Variants in SLIT1 observed in about 807,000 individuals in gnomAD.
SLIT1 encodes slit guidance ligand 1.
Under a neutral mutation model 186.1 loss-of-function variants are expected in SLIT1, and 66 were observed. The ratio of observed to expected loss-of-function variants is 0.35; its 90% CI spans 0.29 to 0.44. The LOEUF (loss-of-function observed/expected upper bound fraction) is 0.44. SLIT1 is among the 20% of genes least tolerant of loss of function. The probability of loss-of-function intolerance (pLI) is 1.00; values close to 1 mark genes in which losing one functional copy is unlikely to be tolerated. For missense variants in SLIT1, 1,638 were observed against 2,037.4 expected, an observed-to-expected ratio of 0.80 and a Z score of 3.77; for synonymous variants, 761 against 833.8, an observed-to-expected ratio of 0.91 and a Z score of 1.50.
chr10:97,148,362 C>A (rs577893334), intron 4 of SLIT1, among the ~76,000 whole-genome samples: 10 of 151,766 alleles, frequency 6.6e-5, no homozygotes, highest in Middle Eastern at 3.4e-3. Flanking sequence ...AGTCATAACT[C>A]ATTATAACCT....
intron 18 of SLIT1, among the ~76,000 whole-genome samples, chr10:97,046,269 C>G (rs1848732567): frequency 6.6e-6 from 1 of 152,184 alleles, no homozygotes; most frequent in Admixed American, 6.5e-5. Context: ...CATCCCTGCT[C>G]CCCTATCTAC....
At chr10:97,076,982 G>A (rs559018901) in intron 4 of SLIT1, among the ~76,000 whole-genome samples, 17 of 152,244 alleles carry the variant, frequency 1.1e-4, no homozygotes, top group East Asian at 9.6e-4. Flanking sequence ...AATACAGGAC[G>A]GAACCGGGGG....
chr10:97,019,141 G>T, intron 26 of SLIT1, 34 bp from the exon 27 acceptor site: 1 of 1,343,788 alleles, frequency 7.4e-7, no homozygotes, highest in Non-Finnish European at 1.1e-6. Context: ...TGCAGGGGGA[G>T]GGGTGGGCAG....
intron 1 of SLIT1, among the ~76,000 whole-genome samples, chr10:97,166,615 GAA>G (rs773428114): frequency 0.032 from 1,580 of 50,116 alleles, 30 homozygotes; most frequent in East Asian, 0.088. Flanking sequence ...AAGAAAGAAA[GAA>G]AGAAAGAGAA....
At chr10:97,035,542 G>A (rs1266709773) in intron 22 of SLIT1, among the ~76,000 whole-genome samples, 1 of 152,164 alleles carries the variant, frequency 6.6e-6, no homozygotes, top group Admixed American at 6.5e-5. Flanking sequence ...CTCCTCCTGA[G>A]CCAGCGTCCT....
intron 28 of SLIT1, among the ~76,000 whole-genome samples, chr10:97,016,171 T>A (rs1848453603): frequency 6.6e-6 from 1 of 152,048 alleles, no homozygotes; most frequent in South Asian, 2.1e-4. Flanking sequence ...TAGCCGGGTG[T>A]GGTGGTGCAT....
At chr10:97,027,917 G>A (rs1848560237) in intron 25 of SLIT1, among the ~76,000 whole-genome samples, 1 of 152,134 alleles carries the variant, frequency 6.6e-6, no homozygotes, top group Admixed American at 6.5e-5. Flanking sequence ...ATTAAGGGGG[G>A]GCGGAAATGC....
At chr10:97,128,181 A>C (rs1849621016) in intron 4 of SLIT1, among the ~76,000 whole-genome samples, 1 of 151,556 alleles carries the variant, frequency 6.6e-6, no homozygotes. Flanking sequence ...TCCTCCATCC[A>C]CGCTGCTTCC....
Position 97,013,882 on chromosome 10 carries a change from C to T in SLIT1, c.3110-48G>A, listed in dbSNP as rs1027684907. The T allele has an allele frequency of 2.1e-5, 32 of 1,538,578 alleles. No individual in the cohort carries two copies. The Admixed American group carries it at 2.7e-4, about 13-fold the overall frequency. On this transcript the variant is annotated intron_variant, in intron 29 of 36. Coordinates refer to ENST00000266058, the MANE Select transcript of SLIT1 (RefSeq NM_003061.3). ...GCAGGAGAGAAGCTGCTCTCCTGTG[C>T]TCTGCCGGGCAGCCAGACCCACAGA...
At chr10:97,007,764 C>T (rs1267925693) in intron 31 of SLIT1, among the ~76,000 whole-genome samples, 1 of 152,028 alleles carries the variant, frequency 6.6e-6, no homozygotes, top group African/African-American at 2.4e-5. Flanking sequence ...AAACACTCCA[C>T]AAACTAGGAA....
intron 4 of SLIT1, among the ~76,000 whole-genome samples, chr10:97,101,811 C>T (rs1026995851): frequency 6.6e-6 from 1 of 152,230 alleles, no homozygotes; most frequent in Non-Finnish European, 1.5e-5. Context: ...AGCCACAACG[C>T]CTCTTGAGTC....
At chr10:97,171,815 T>A (rs1390654582) in intron 1 of SLIT1, among the ~76,000 whole-genome samples, 1 of 148,174 alleles carries the variant, frequency 6.7e-6, no homozygotes, top group African/African-American at 2.5e-5. Context: ...CAAAACTCCA[T>A]CTCAAAAAAA....
intron 13 of SLIT1, 69 bp from the exon 14 acceptor site, chr10:97,049,187 A>G: frequency 6.5e-7 from 1 of 1,542,406 alleles, no homozygotes; most frequent in South Asian, 1.2e-5. Context: ...CCACCGGGAC[A>G]GGGCCTCGTT....
chr10:97,048,124 C>T (rs1848751599), intron 14 of SLIT1, 128 bp from the exon 15 acceptor site: 3 of 997,992 alleles, frequency 3.0e-6, no homozygotes, highest in East Asian at 2.4e-5. Context: ...CTGCCCAGTC[C>T]CTGTGTGCAG....
intron 25 of SLIT1, among the ~76,000 whole-genome samples, chr10:97,026,144 T>G (rs1457934548): frequency 6.6e-6 from 1 of 152,202 alleles, no homozygotes; most frequent in Non-Finnish European, 1.5e-5. Context: ...ACAGTCTACT[T>G]TATTCTAGGT....
chr10:97,023,437 C>T (rs558300003), intron 25 of SLIT1, among the ~76,000 whole-genome samples: 17 of 151,986 alleles, frequency 1.1e-4, no homozygotes, highest in Non-Finnish European at 1.8e-4. Context: ...AGAGGAAGCA[C>T]GTGTAATATG....
chr10:97,127,759 G>A (rs1397486649), intron 4 of SLIT1, among the ~76,000 whole-genome samples: 1 of 152,220 alleles, frequency 6.6e-6, no homozygotes, highest in East Asian at 1.9e-4. Context: ...GGAGAAACCA[G>A]CAGCCTTGGG....
chr10:97,142,779 AT>A (rs1849779302), intron 4 of SLIT1, among the ~76,000 whole-genome samples: 1 of 152,326 alleles, frequency 6.6e-6, no homozygotes, highest in East Asian at 1.9e-4. Flanking sequence ...AACAAAAAAA[AT>A]CAAACAACCC....
chr10:97,067,107 T>G (rs1848954955), intron 4 of SLIT1, among the ~76,000 whole-genome samples: 1 of 152,174 alleles, frequency 6.6e-6, no homozygotes, highest in African/African-American at 2.4e-5. Flanking sequence ...TGTGCTCTTG[T>G]GGACTGCAGG....
Sources: gnomAD v4.1 joint callset for allele counts (sites outside exome capture counted in the v4.1 genomes callset) on GRCh38, gnomAD v4.1.1 for gene constraint, MANE v1.5 for transcripts, NCBI Gene and HGNC (gene_info 2026-07-23, HGNC 2026-07-21) for gene names.